PCDHGA6: variants seen among roughly 807,000 people sequenced by gnomAD.
PCDHGA6 encodes the protein protocadherin gamma-A6.
PCDHGA6 carries 41 observed loss-of-function variants against 60.6 expected under a neutral mutation model. That is an observed-to-expected ratio of 0.68 (90% CI 0.53 to 0.88). The LOEUF (loss-of-function observed/expected upper bound fraction) is 0.88, where lower values mean the gene tolerates loss of function less well. Ranked by LOEUF, PCDHGA6 falls within the 40% of genes least tolerant of loss-of-function variation. The pLI is 0.00. For missense variants in PCDHGA6, 1,312 were observed against 1,203.0 expected (o/e 1.09, Z -1.34); for synonymous variants, 594 against 524.4 (o/e 1.13, Z -1.81).
Position 141,490,226 on chromosome 5 carries a change from C to T in PCDHGA6, c.2425-4581C>T. On this transcript the variant is annotated intron_variant, in intron 1 of 3. Coordinates refer to ENST00000517434, the MANE Select transcript of PCDHGA6 (RefSeq NM_018919.3). This position sits in a 1 kb window ranked among gnomAD's most constrained non-coding sequence, Gnocchi z 5.4. ...AGAGCCCGTGACCAGGGACAGCCTG[C>T]CATGGAGGGCCACTGTGTGATTCAA... The T allele has an allele frequency of 6.2e-7, 1 of 1,614,168 alleles. No homozygotes were observed. Among genetic ancestry groups the T allele is most frequent in the Non-Finnish European group, 8.5e-7 (1 of 1,180,020 alleles).
At chr5:141,419,991 T>C (rs1192003266) in intron 1 of PCDHGA6, 1 of 1,614,078 alleles carries the variant, frequency 6.2e-7, no homozygotes. Context: ...ATTCTAGCTA[T>C]TGCTCTACGC....
chr5:141,491,414 G>T lies in PCDHGA6; in HGVS notation c.2425-3393G>T, dbSNP rs137987971. ...CTTCAGGGAAACGCAGACGGGGACGGGGGTGGAGGGCAGTGCTGCAGGCGC... is the reference window on the plus strand; with the variant it reads ...CTTCAGGGAAACGCAGACGGGGACGTGGGTGGAGGGCAGTGCTGCAGGCGC... On this transcript the variant is annotated intron_variant, in intron 1 of 3. Coordinates refer to ENST00000517434, the MANE Select transcript of PCDHGA6 (RefSeq NM_018919.3). The surrounding 1 kb of genome is among the most constrained non-coding windows in gnomAD (Gnocchi z 6.9). 1.9e-6 allele frequency: 3 copies of T among 1,614,008 alleles called. No homozygotes were observed. Among genetic ancestry groups the T allele is most frequent in the Non-Finnish European group, 2.5e-6 (3 of 1,180,030 alleles).
At chr5:141,455,411 G>T (rs1292246147) in intron 1 of PCDHGA6, among the ~76,000 whole-genome samples, 1 of 152,096 alleles carries the variant, frequency 6.6e-6, no homozygotes, top group Non-Finnish European at 1.5e-5. Context: ...AGAGACAGAG[G>T]GAGCGGGGCT....
Position 141,409,958 on chromosome 5 carries a change from T to C in PCDHGA6, c.2424+33451T>C. ...GGTACCTCGCTCTGCAGAGCCCGGC[T>C]ACCTAGTGACTAAGGTGGTAGCGGT... On this transcript the variant is annotated intron_variant, in intron 1 of 3. Transcript: ENST00000517434. 6.2e-7 allele frequency: 1 copy of C among 1,613,394 alleles called. No individual in the cohort carries two copies.
rs1297208780 is a variant in PCDHGA6 at position 141,486,613 on chromosome 5, T to C, written c.2425-8194T>C. 2 of 1,613,658 alleles carry C rather than the reference T, an allele frequency of 1.2e-6. No individual in the cohort carries two copies. The highest frequency in any genetic ancestry group is 2.7e-5 in the African/African-American group (2 of 75,074). On this transcript the variant is annotated intron_variant, in intron 1 of 3. Coordinates refer to ENST00000517434, the MANE Select transcript of PCDHGA6 (RefSeq NM_018919.3). The surrounding 1 kb of genome is among the most constrained non-coding windows in gnomAD (Gnocchi z 5.0). ...ACCTGCTTTGCTCCCTTGCAGCCTC[T>C]GACCCAGACTCTGGCTTGAATGCGC...
At position 141,432,185 on chromosome 5, in the gene PCDHGA6, G is replaced by A. The variant is rs376661062; in HGVS notation, c.2424+55678G>A. 8.1e-6 allele frequency: 13 copies of A among 1,613,956 alleles called. No individual in the cohort carries two copies. The African/African-American group carries it at 1.3e-4, about 17-fold the overall frequency. On this transcript the variant is annotated intron_variant, in intron 1 of 3. Transcript: ENST00000517434. This position sits in a 1 kb window ranked among gnomAD's most constrained non-coding sequence, Gnocchi z 6.0. ...AGGAGTTTCCCTCGTCTCTGTGACC[G>A]CCCACGACCCCGACTGTGAAGAGAA...
At chr5:141,453,145 G>A (rs1329081754) in intron 1 of PCDHGA6, among the ~76,000 whole-genome samples, 3 of 151,752 alleles carry the variant, frequency 2.0e-5, no homozygotes, top group Admixed American at 6.6e-5. Context: ...ATAGGGTCTC[G>A]CTATGTCACC....
At chr5:141,415,740 G>GTTTTTTTTTTTTTTTTTTTTTTTTTTT (rs57426385) in intron 1 of PCDHGA6, 4 of 625,042 alleles carry the variant, frequency 6.4e-6, no homozygotes, top group Non-Finnish European at 6.4e-6. Flanking sequence ...GTTTATTAAG[G>GTTTTTTTTTTTTTTTTTTTTTTTTTTT]TTTTTTTTTT....
chr5:141,437,371 A>C (rs887976412), intron 1 of PCDHGA6, among the ~76,000 whole-genome samples: 1 of 152,262 alleles, frequency 6.6e-6, no homozygotes, highest in African/African-American at 2.4e-5. Context: ...GAATGTAATC[A>C]GTCAGAAGAC....
Position 141,376,448 on chromosome 5 carries a change from G to A in PCDHGA6, c.2365G>A (p.Glu789Lys). The stretch of plus-strand genomic sequence containing the variant: ...CAACCAGGAGAGCTATGAGAAAAGC[G>A]AGCCTCTTCTGATAACTCAGGATTT... The part of the protein sequence containing the change: ...LINQESYEKS[E>K]PLLITQDLLE... The change falls in exon 1 of 4, where the codon GAG becomes AAG. Residue 789 changes from glutamate (E) to lysine (K), a missense_variant. Glu to Lys is a moderately conservative substitution (Grantham distance 56). Coordinates refer to ENST00000517434, the MANE Select transcript of PCDHGA6 (RefSeq NM_018919.3). The A allele has an allele frequency of 6.2e-7, 1 of 1,614,174 alleles. No individual in the cohort carries two copies.
Position 141,511,508 on chromosome 5 carries a change from C to T in PCDHGA6, c.*335C>T, listed in dbSNP as rs1339517659. 7.8e-6 allele frequency: 3 copies of T among 385,970 alleles called. No individual in the cohort carries two copies. Among genetic ancestry groups the T allele is most frequent in the Non-Finnish European group, 1.5e-5 (3 of 206,164 alleles). The allele number at this position is 385,970 out of a possible 1,614,324, so 23.9% of individuals were successfully genotyped here. Reference sequence around the variant, plus strand: ...TCCTCCATCTTCCAAATCAATCAGGCCCATCCATCCCATGCCTCCCTCCTC... The same window carrying T: ...TCCTCCATCTTCCAAATCAATCAGGTCCATCCATCCCATGCCTCCCTCCTC... On this transcript the variant is annotated 3_prime_UTR_variant, in exon 4 of 4. Coordinates refer to ENST00000517434, the MANE Select transcript of PCDHGA6 (RefSeq NM_018919.3).
At chr5:141,452,065 T>A (rs185791618) in intron 1 of PCDHGA6, among the ~76,000 whole-genome samples, 1 of 152,332 alleles carries the variant, frequency 6.6e-6, no homozygotes, top group Non-Finnish European at 1.5e-5. Flanking sequence ...TTATTCTACT[T>A]TTATTAGTTG....
At chr5:141,409,088 GAGAAAAC>G in intron 1 of PCDHGA6, 1 of 1,614,044 alleles carries the variant, frequency 6.2e-7, no homozygotes, top group Non-Finnish European at 8.5e-7. Context: ...CTCATTGGAT[GAGAAAAC>G]AGGTATGATT....
intron 1 of PCDHGA6, chr5:141,420,003 T>C: frequency 6.2e-7 from 1 of 1,614,100 alleles, no homozygotes; most frequent in Non-Finnish European, 8.5e-7. Flanking sequence ...GCTCTACGCC[T>C]GCGACAGTCT....
At chr5:141,467,597 A>T (rs2099147099) in intron 1 of PCDHGA6, among the ~76,000 whole-genome samples, 1 of 152,136 alleles carries the variant, frequency 6.6e-6, no homozygotes, top group Non-Finnish European at 1.5e-5. Flanking sequence ...TTTATTAAGC[A>T]CTTCATCTTT....
intron 1 of PCDHGA6, chr5:141,412,461 A>G (rs184499850): frequency 3.4e-4 from 52 of 152,338 alleles, no homozygotes; most frequent in African/African-American, 1.2e-3. Flanking sequence ...ACTATTCTAG[A>G]AGAGTACTTT....
At chr5:141,448,000 C>T (rs1363676731) in intron 1 of PCDHGA6, among the ~76,000 whole-genome samples, 3 of 151,840 alleles carry the variant, frequency 2.0e-5, no homozygotes, top group Non-Finnish European at 4.4e-5. Flanking sequence ...GCATGAGAAT[C>T]GCTTGAACCC....
At chr5:141,465,047 T>C (rs2099095978) in intron 1 of PCDHGA6, among the ~76,000 whole-genome samples, 1 of 152,088 alleles carries the variant, frequency 6.6e-6, no homozygotes, top group Non-Finnish European at 1.5e-5. Context: ...TGACCCTATA[T>C]ATTTTTTTGA....
intron 1 of PCDHGA6, chr5:141,408,708 A>G (rs773303576): frequency 6.2e-6 from 10 of 1,612,888 alleles, no homozygotes; most frequent in Non-Finnish European, 8.5e-6. Flanking sequence ...TCAATTAAAG[A>G]TTATAAGATA....
Sources: allele counts gnomAD v4.1 joint callset (sites outside exome capture counted in the v4.1 genomes callset), GRCh38; gene constraint gnomAD v4.1.1; non-coding constraint Gnocchi (gnomAD v3.1); transcripts MANE v1.5; gene names NCBI Gene and HGNC (gene_info 2026-07-23, HGNC 2026-07-21).